Variants in NAV2 observed in about 807,000 individuals in gnomAD.
The protein encoded by NAV2 is neuron navigator 2.
Under a neutral mutation model 223.2 loss-of-function variants are expected in NAV2, and 54 were observed. That is an observed-to-expected ratio of 0.24 (90% CI 0.19 to 0.30). The LOEUF (loss-of-function observed/expected upper bound fraction) is 0.30, where lower values mean the gene tolerates loss of function less well. NAV2 is among the 10% of genes least tolerant of loss of function. NAV2 has a pLI of 1.00. For missense variants in NAV2, 2,806 were observed against 3,147.5 expected (o/e 0.89, Z 2.60); for synonymous variants, 1,279 against 1,239.3 (o/e 1.03, Z -0.67).
At chr11:19,663,244 A>C (rs1254888479) in intron 1 of NAV2, among the ~76,000 whole-genome samples, 4 of 152,244 alleles carry the variant, frequency 2.6e-5, no homozygotes, top group Non-Finnish European at 4.4e-5. Flanking sequence ...TGAATATTAG[A>C]CATGGTGTGT....
At chr11:19,811,767 T>C (rs529153448) in intron 1 of NAV2, among the ~76,000 whole-genome samples, 1 of 152,298 alleles carries the variant, frequency 6.6e-6, no homozygotes, top group African/African-American at 2.4e-5. Context: ...AGATAGCCTT[T>C]TGTGATTTTT....
At position 19,697,328 on chromosome 11, in the gene NAV2, T is replaced by C. The variant is rs543784871; in HGVS notation, c.76-135156T>C. ...GGCTGAAGAAACACCTGTTGGGTTCTATGCTTTTGGCCTGGATGATGGGAT... is the reference window on the plus strand; with the variant it reads ...GGCTGAAGAAACACCTGTTGGGTTCCATGCTTTTGGCCTGGATGATGGGAT... On this transcript the variant is annotated intron_variant, in intron 1 of 37. Coordinates refer to the NAV2 transcript ENST00000360655. 2.0e-5 allele frequency among the ~76,000 whole-genome samples: 3 copies of C among 152,240 alleles called. No homozygotes were observed. The South Asian group carries it at 6.2e-4, about 32-fold the overall frequency.
chr11:19,395,417 C>A (rs1346684898), intron 1 of NAV2, among the ~76,000 whole-genome samples: 1 of 152,336 alleles, frequency 6.6e-6, no homozygotes, highest in Non-Finnish European at 1.5e-5. Flanking sequence ...GACAAAACTG[C>A]CCCAGTCAGA....
chr11:19,626,811 C>T (rs2047184744), intron 1 of NAV2, among the ~76,000 whole-genome samples: 1 of 152,038 alleles, frequency 6.6e-6, no homozygotes, highest in Non-Finnish European at 1.5e-5. Context: ...AGTGTCAGAT[C>T]CAAATTCAAA....
chr11:19,559,750 G>T (rs915484347), intron 1 of NAV2, among the ~76,000 whole-genome samples: 1 of 152,154 alleles, frequency 6.6e-6, no homozygotes, highest in Non-Finnish European at 1.5e-5. Context: ...CAGGAACCTT[G>T]TTACAGGAAA....
intron 1 of NAV2, among the ~76,000 whole-genome samples, chr11:19,758,568 A>G (rs1285491371): frequency 6.6e-6 from 1 of 152,214 alleles, no homozygotes; most frequent in Non-Finnish European, 1.5e-5. Context: ...AGGAGACATG[A>G]TGGCCAAGGA....
chr11:20,045,184 G>C lies in NAV2; in HGVS notation c.3416G>C (p.Gly1139Ala), dbSNP rs1235285643. The change falls in exon 14 of 38, where the codon GGG becomes GCG. Residue 1139 changes from glycine to alanine, a missense_variant. Gly to Ala is a moderately conservative substitution (Grantham distance 60). Transcript: ENST00000349880. Reference sequence around the variant, plus strand: ...GGCCTGGCCATGATCACAGCCAGCGGGGTGACTGTCACCAGCAGGTCAGCC... The same window carrying C: ...GGCCTGGCCATGATCACAGCCAGCGCGGTGACTGTCACCAGCAGGTCAGCC... ...AAGLAMITASGVTVTSRSATL... is the reference protein window; with the variant it reads ...AAGLAMITASAVTVTSRSATL... 1.2e-6 allele frequency: 2 copies of C among 1,614,066 alleles called. No homozygotes were observed. Among genetic ancestry groups the C allele is most frequent in the Admixed American group, 1.7e-5 (1 of 60,010 alleles).
chr11:20,097,363 CT>C (rs1367715079), intron 30 of NAV2, among the ~76,000 whole-genome samples: 2 of 152,100 alleles, frequency 1.3e-5, no homozygotes, highest in African/African-American at 4.8e-5. Context: ...TCTTCCACTG[CT>C]AACCAAATAA....
intron 1 of NAV2, among the ~76,000 whole-genome samples, chr11:19,455,881 G>A (rs931546929): frequency 1.3e-5 from 2 of 152,226 alleles, no homozygotes; most frequent in Non-Finnish European, 2.9e-5. Flanking sequence ...AAAGGCTGTG[G>A]ATATTTGGGG....
At chr11:19,952,449 A>G (rs938892858) in intron 10 of NAV2, among the ~76,000 whole-genome samples, 2 of 152,214 alleles carry the variant, frequency 1.3e-5, no homozygotes, top group Non-Finnish European at 2.9e-5. Context: ...TAGATGCCTT[A>G]TCTCCCTCAA....
intron 1 of NAV2, among the ~76,000 whole-genome samples, chr11:19,426,422 A>G (rs1430373674): frequency 6.6e-6 from 1 of 152,194 alleles, no homozygotes; most frequent in Non-Finnish European, 1.5e-5. Flanking sequence ...GGACTCCATG[A>G]AGAAATAAAC....
intron 1 of NAV2, chr11:19,380,744 C>A (rs953922538): frequency 6.6e-6 from 1 of 152,274 alleles, no homozygotes; most frequent in Admixed American, 6.5e-5. Flanking sequence ...CTATGGTCTT[C>A]CACTAACTCC....
chr11:19,470,464 G>A (rs868327938), intron 1 of NAV2, among the ~76,000 whole-genome samples: 5 of 152,126 alleles, frequency 3.3e-5, no homozygotes, highest in Non-Finnish European at 2.9e-5. Context: ...TCAAGAAGAC[G>A]GCATCTTGTG....
intron 1 of NAV2, among the ~76,000 whole-genome samples, chr11:19,416,211 A>G (rs187777847): frequency 6.6e-6 from 1 of 152,204 alleles, no homozygotes; most frequent in Non-Finnish European, 1.5e-5. Context: ...GTCTCAGCCC[A>G]AAATCTCCTT....
At chr11:19,585,786 A>G (rs1376197606) in intron 1 of NAV2, among the ~76,000 whole-genome samples, 2 of 152,160 alleles carry the variant, frequency 1.3e-5, no homozygotes, top group African/African-American at 2.4e-5. Context: ...TGGGTAACCC[A>G]ACCTTTCTCT....
chr11:19,884,620 A>G (rs972081514), intron 5 of NAV2, among the ~76,000 whole-genome samples: 1 of 152,048 alleles, frequency 6.6e-6, no homozygotes, highest in Non-Finnish European at 1.5e-5. Flanking sequence ...CATTTTCTTG[A>G]CTTTTGGCTT....
At chr11:19,972,647 T>A (rs973727647) in intron 10 of NAV2, among the ~76,000 whole-genome samples, 1 of 151,738 alleles carries the variant, frequency 6.6e-6, no homozygotes, top group South Asian at 2.1e-4. Flanking sequence ...AAGCCAATAT[T>A]GCCTGGCAGA....
At chr11:20,020,295 G>C (rs1591689566) in intron 11 of NAV2, among the ~76,000 whole-genome samples, 4 of 152,180 alleles carry the variant, frequency 2.6e-5, no homozygotes, top group Admixed American at 2.6e-4. Context: ...GAGTAACCTG[G>C]AAACCTTAAC....
chr11:20,115,407 G>A (rs2062975786), intron 37 of NAV2, among the ~76,000 whole-genome samples: 1 of 152,004 alleles, frequency 6.6e-6, no homozygotes, highest in Admixed American at 6.6e-5. Flanking sequence ...GGCCAAGGCG[G>A]GTGGATCGAG....
Sources: gnomAD v4.1 joint callset for allele counts (sites outside exome capture counted in the v4.1 genomes callset) on GRCh38, gnomAD v4.1.1 for gene constraint, MANE v1.5 for transcripts, NCBI Gene and HGNC (gene_info 2026-07-23, HGNC 2026-07-21) for gene names.